Variants in DLG2 observed in about 807,000 individuals in gnomAD.
DLG2 encodes disks large homolog 2.
Under a neutral mutation model 132.5 loss-of-function variants are expected in DLG2, and 45 were observed. The observed-to-expected ratio is 0.34, with a 90% CI of 0.27 to 0.44. The LOEUF (loss-of-function observed/expected upper bound fraction) is 0.44, where lower values mean the gene tolerates loss of function less well. Among genes scored for constraint, DLG2 ranks in the 20% least tolerant of loss-of-function variants. The pLI is 1.00. For missense variants in DLG2, 1,045 were observed against 1,196.9 expected (o/e 0.87, Z 1.87); for synonymous variants, 424 against 419.6 (o/e 1.01, Z -0.13).
chr11:85,518,239 GA>G (rs2153171541), intron 3 of DLG2, among the ~76,000 whole-genome samples: 1 of 152,298 alleles, frequency 6.6e-6, no homozygotes, highest in South Asian at 2.1e-4. Context: ...AAGAAGACAG[GA>G]AAATGTGGGA....
intron 17 of DLG2, among the ~76,000 whole-genome samples, chr11:83,811,234 T>C (rs1049340269): frequency 1.3e-5 from 2 of 152,130 alleles, no homozygotes; most frequent in African/African-American, 4.8e-5. Context: ...CTATGGGAAA[T>C]TGAAGAATAC....
At chr11:85,493,241 C>T (rs1391140111) in intron 3 of DLG2, among the ~76,000 whole-genome samples, 1 of 152,128 alleles carries the variant, frequency 6.6e-6, no homozygotes, top group Non-Finnish European at 1.5e-5. Flanking sequence ...CTTTTGAAAG[C>T]ATTTTCAAAT....
chr11:84,501,931 T>C (rs1255223268), intron 7 of DLG2, among the ~76,000 whole-genome samples: 1 of 152,190 alleles, frequency 6.6e-6, no homozygotes, highest in African/African-American at 2.4e-5. Flanking sequence ...TTTCACATCC[T>C]GCTTTTTCCC....
intron 18 of DLG2, among the ~76,000 whole-genome samples, chr11:83,735,327 G>A (rs1000430319): frequency 6.6e-6 from 1 of 152,124 alleles, no homozygotes; most frequent in Non-Finnish European, 1.5e-5. Flanking sequence ...ATTTAATTTG[G>A]TATTATACCA....
chr11:83,831,521 T>C (rs2153999926), intron 17 of DLG2, among the ~76,000 whole-genome samples: 1 of 152,096 alleles, frequency 6.6e-6, no homozygotes, highest in Middle Eastern at 3.4e-3. Flanking sequence ...TGTGTGTGTG[T>C]GTGTGTATGT....
chr11:84,887,907 C>T (rs1412009114), intron 6 of DLG2, among the ~76,000 whole-genome samples: 5 of 152,098 alleles, frequency 3.3e-5, no homozygotes, highest in Non-Finnish European at 5.9e-5. Flanking sequence ...AACTAGTATC[C>T]ACAATTACCC....
chr11:84,535,577 G>T (rs1275512757), intron 6 of DLG2, among the ~76,000 whole-genome samples: 3 of 152,184 alleles, frequency 2.0e-5, no homozygotes, highest in African/African-American at 7.2e-5. Flanking sequence ...TTCAGGGTTA[G>T]GAATGCTCTG....
At chr11:85,501,686 C>T (rs2093807924) in intron 3 of DLG2, among the ~76,000 whole-genome samples, 1 of 152,204 alleles carries the variant, frequency 6.6e-6, no homozygotes. Context: ...CATCTCTGGT[C>T]ATTAGAGAAA....
intron 4 of DLG2, among the ~76,000 whole-genome samples, chr11:85,284,111 A>G (rs2078408047): frequency 6.6e-6 from 1 of 151,924 alleles, no homozygotes; most frequent in African/African-American, 2.4e-5. Flanking sequence ...AATGCCCTAT[A>G]TGCTATTGTC....
chr11:85,226,050 G>C (rs72947949), intron 4 of DLG2, among the ~76,000 whole-genome samples: 1,961 of 151,812 alleles, frequency 0.013, 16 homozygotes, highest in Non-Finnish European at 0.019. Context: ...AATCAAAATT[G>C]AATTTCCAAA....
intron 6 of DLG2, among the ~76,000 whole-genome samples, chr11:85,098,195 T>C (rs1225357862): frequency 6.6e-6 from 1 of 152,206 alleles, no homozygotes; most frequent in African/African-American, 2.4e-5. Context: ...GATAGGATTT[T>C]AACCCGGTAC....
intron 6 of DLG2, among the ~76,000 whole-genome samples, chr11:84,954,656 C>A (rs1322921294): frequency 1.3e-5 from 2 of 152,164 alleles, no homozygotes; most frequent in South Asian, 2.1e-4. Flanking sequence ...AGTCATACTC[C>A]AAACACTGGG....
chr11:85,357,200 T>A (rs1181011519), intron 3 of DLG2, among the ~76,000 whole-genome samples: 1 of 150,742 alleles, frequency 6.6e-6, no homozygotes, highest in Non-Finnish European at 1.5e-5. Context: ...AAAGATAAGG[T>A]TTGAGAGCAA....
Position 83,577,559 on chromosome 11 carries a change from A to AATATATATATATATATAT in DLG2, c.1941-35719_1941-35702dup, listed in dbSNP as rs1167372199. On this transcript the variant is annotated intron_variant, in intron 19 of 27. Transcript: ENST00000376104. ...TTCCCTAGAGGGACAGAATTAATAGAATATATATATATATATATATATATA... is the reference window on the plus strand; with the variant it reads ...TTCCCTAGAGGGACAGAATTAATAGAATATATATATATATATATATATATATATATATATATATATATA... 4.2e-3 allele frequency among the ~76,000 whole-genome samples: 331 copies of AATATATATATATATATAT among 78,354 alleles called. 2 individuals carry two copies. The highest frequency in any genetic ancestry group is 6.8e-3 in the African/African-American group (139 of 20,568). 51.4% of individuals were successfully genotyped at this position (78,354 alleles called of 152,430 possible).
chr11:84,028,459 T>C (rs1356905981), intron 11 of DLG2, among the ~76,000 whole-genome samples: 3 of 149,296 alleles, frequency 2.0e-5, no homozygotes, highest in African/African-American at 7.4e-5. Flanking sequence ...TCTGTAACAC[T>C]GATCCTTGAA....
At chr11:85,455,085 T>G (rs151119907) in intron 3 of DLG2, among the ~76,000 whole-genome samples, 3 of 152,330 alleles carry the variant, frequency 2.0e-5, no homozygotes, top group East Asian at 3.9e-4. Flanking sequence ...TTGATAGGAA[T>G]AGCATTGAAT....
intron 10 of DLG2, among the ~76,000 whole-genome samples, chr11:84,075,577 T>G (rs1324968059): frequency 6.6e-6 from 1 of 152,216 alleles, no homozygotes; most frequent in African/African-American, 2.4e-5. Context: ...CTTCTTAAAT[T>G]TATACCTATA....
At chr11:85,167,112 C>A (rs774077371) in intron 4 of DLG2, among the ~76,000 whole-genome samples, 1 of 152,086 alleles carries the variant, frequency 6.6e-6, no homozygotes, top group Admixed American at 6.6e-5. Context: ...CTTGCAGGAA[C>A]CAAAAGCCAT....
intron 3 of DLG2, among the ~76,000 whole-genome samples, chr11:85,583,517 G>T (rs1025717178): frequency 6.6e-6 from 1 of 151,966 alleles, no homozygotes; most frequent in East Asian, 1.9e-4. Flanking sequence ...ATATCTGTAG[G>T]TTATTATTGA....
Sources: gnomAD v4.1 joint callset for allele counts (sites outside exome capture counted in the v4.1 genomes callset) on GRCh38, gnomAD v4.1.1 for gene constraint, MANE v1.5 for transcripts, NCBI Gene and HGNC (gene_info 2026-07-23, HGNC 2026-07-21) for gene names.